PTPRS: variants seen among roughly 807,000 people sequenced by gnomAD.
PTPRS encodes protein tyrosine phosphatase receptor type S, also known as receptor-type tyrosine-protein phosphatase S.
A neutral mutation model predicts 215.3 loss-of-function variants in PTPRS; 63 were observed. The ratio of observed to expected loss-of-function variants is 0.29; its 90% CI spans 0.24 to 0.36. The LOEUF (loss-of-function observed/expected upper bound fraction) is 0.36, where lower values mean the gene tolerates loss of function less well. PTPRS is among the 10% of genes least tolerant of loss of function. PTPRS has a pLI of 1.00. For missense variants in PTPRS, 2,258 were observed against 2,825.8 expected (o/e 0.80, Z 4.56); for synonymous variants, 1,404 against 1,191.4 (o/e 1.18, Z -3.68).
At chr19:5,289,591 T>A (rs1252229625) in intron 1 of PTPRS, among the ~76,000 whole-genome samples, 4 of 151,592 alleles carry the variant, frequency 2.6e-5, no homozygotes, top group Admixed American at 2.6e-4. Flanking sequence ...CCTCCCTTTC[T>A]CCCCCTCCTC....
chr19:5,274,292 A>G lies in PTPRS; in HGVS notation c.144T>C (p.Gly48=), dbSNP rs759745052. 3.1e-6 allele frequency: 5 copies of G among 1,611,484 alleles called. No homozygotes were observed. Among genetic ancestry groups the G allele is most frequent in the South Asian group, 1.1e-5 (1 of 90,960 alleles). The change falls in exon 3 of 38, where the codon GGT becomes GGC. Residue 48 remains glycine (G), a synonymous_variant. Transcript: ENST00000262963. ...TGGCCTGACACACGAAAGAGGCCAC[A>G]CCCCCCGACACGCCGATCTGGTCCT... ...EPKDQIGVSG[G]VASFVCQATG...
At chr19:5,248,430 G>A (rs1312828882) in intron 9 of PTPRS, among the ~76,000 whole-genome samples, 2 of 151,654 alleles carry the variant, frequency 1.3e-5, no homozygotes, top group Non-Finnish European at 2.9e-5. Flanking sequence ...GCTGAAAATC[G>A]GGGTCTGAAA....
At chr19:5,229,784 G>A (rs1012369556) in intron 14 of PTPRS, 100 bp from the exon 15 acceptor site, 2 of 724,706 alleles carry the variant, frequency 2.8e-6, no homozygotes, top group African/African-American at 1.9e-5. Flanking sequence ...GATGCCGAGT[G>A]GCTGCCGGTG....
rs202163446 is a variant in PTPRS, at chr19:5,222,722, G to A, written c.3070C>T (p.Pro1024Ser). ...TRRGPGPFSPPVRYRTFLRDQ... is the reference protein window; with the variant it reads ...TRRGPGPFSPSVRYRTFLRDQ... Reference sequence around the variant, plus strand: ...CGCAGGAACGTCCGGTAGCGGACGGGGGGGCTGAAGGGGCCAGGGCCCCGG... The same window carrying A: ...CGCAGGAACGTCCGGTAGCGGACGGAGGGGCTGAAGGGGCCAGGGCCCCGG... The change falls in exon 18 of 38, where the codon CCC (proline) becomes TCC (serine). Residue 1024 changes from proline (P) to serine (S), a missense_variant. This residue lies in a region of PTPRS where 361 missense variants were observed against 332.6 expected (regional missense o/e 1.09). Coordinates refer to ENST00000262963, the MANE Select transcript of PTPRS (RefSeq NM_002850.4). 288 of 1,595,666 alleles carry A rather than the reference G, an allele frequency of 1.8e-4. 2 individuals carry two copies. Among genetic ancestry groups the A allele is most frequent in the Admixed American group, 5.5e-4 (33 of 59,488 alleles).
rs1191451746 is a variant in PTPRS at position 5,264,902 on chromosome 19, GTCTC to G, written c.568+102_568+105del. ...CCAACGCCTGCCACGGCCACACACT[GTCTC>G]TGTCTGTCCTCCAGTAGTCCCCAGA... is the stretch of plus-strand genomic sequence containing the variant. On this transcript the variant is annotated intron_variant, in intron 5 of 37. Coordinates refer to ENST00000262963, the MANE Select transcript of PTPRS (RefSeq NM_002850.4). 3.9e-5 allele frequency: 51 copies of G among 1,323,958 alleles called. No individual in the cohort carries two copies. In the East Asian group the frequency reaches 1.2e-3, roughly 32 times the overall value. 82.0% of individuals were successfully genotyped at this position (1,323,958 alleles called of 1,614,324 possible).
intron 1 of PTPRS, among the ~76,000 whole-genome samples, chr19:5,291,482 G>A (rs551637311): frequency 2.6e-5 from 4 of 152,158 alleles, no homozygotes; most frequent in African/African-American, 9.6e-5. Context: ...AACTTGAGAC[G>A]CCAAGATCTG....
rs2043595529 is a variant in PTPRS at position 5,237,735 on chromosome 19, G to A, written c.1849+1184C>T. Among the ~76,000 whole-genome samples the A allele has an allele frequency of 6.6e-6, 1 of 152,130 alleles. No individual in the cohort carries two copies. Among genetic ancestry groups the A allele is most frequent in the Admixed American group, 6.5e-5 (1 of 15,274 alleles). On this transcript the variant is annotated intron_variant, in intron 13 of 37. Transcript: ENST00000262963. This position sits in a 1 kb window ranked among gnomAD's most constrained non-coding sequence, Gnocchi z 4.2. ...GCCAGTCTCTCAGGTGGCTGCCCAA[G>A]CCACAGGCCACCCTCACTGACTCCA... is the stretch of plus-strand genomic sequence containing the variant.
intron 24 of PTPRS, 81 bp from the exon 25 acceptor site, chr19:5,218,613 A>G (rs2041698207): frequency 2.6e-6 from 4 of 1,538,182 alleles, no homozygotes; most frequent in Middle Eastern, 1.7e-4. Flanking sequence ...CCAGGAATGC[A>G]TGGTAAGAAA....
intron 9 of PTPRS, among the ~76,000 whole-genome samples, chr19:5,251,954 C>G (rs76877289): frequency 1.0e-3 from 155 of 152,216 alleles, no homozygotes; most frequent in African/African-American, 3.4e-3. Context: ...AGCCCACCAT[C>G]TATGTCTGTC....
rs199624288 is a variant in PTPRS, at chr19:5,231,279, G to A, written c.2155+31C>T. The A allele has an allele frequency of 4.1e-3, 6,437 of 1,566,832 alleles. 21 individuals are homozygous for A. Among genetic ancestry groups the A allele is most frequent in the Middle Eastern group, 0.013 (64 of 5,104 alleles). ...AGGCGGGGGCCGGGCTGGGGCCTGC[G>A]GGGGGTCCCGGGCCTGGGGCAGGTA... On this transcript the variant is annotated intron_variant, in intron 14 of 37. Transcript: ENST00000262963.
At chr19:5,233,975 A>AAAAAAAAC (rs2043223951) in intron 13 of PTPRS, among the ~76,000 whole-genome samples, 1 of 137,150 alleles carries the variant, frequency 7.3e-6, no homozygotes, top group Non-Finnish European at 1.6e-5. Context: ...AAAAAAAAAA[A>AAAAAAAAC]AATCTATATG....
At chr19:5,235,085 C>T (rs565243438) in intron 13 of PTPRS, among the ~76,000 whole-genome samples, 4 of 151,882 alleles carry the variant, frequency 2.6e-5, no homozygotes, top group African/African-American at 7.3e-5. Flanking sequence ...GGACTACAGG[C>T]GCCCGCCACC....
chr19:5,308,773 C>T (rs559085970), intron 1 of PTPRS, among the ~76,000 whole-genome samples: 2 of 152,348 alleles, frequency 1.3e-5, no homozygotes, highest in Admixed American at 6.5e-5. Flanking sequence ...CCCGCAGCCG[C>T]CTGTCAGCCA....
rs1003618156 is a variant in PTPRS at position 5,287,976 on chromosome 19, A to G, written c.-94-1742T>C. Among the ~76,000 whole-genome samples the G allele has an allele frequency of 6.9e-6, 1 of 145,574 alleles. No homozygotes were observed. Among genetic ancestry groups the G allele is most frequent in the Admixed American group, 6.8e-5 (1 of 14,704 alleles). Reference sequence around the variant, plus strand: ...GCAGCAGAGACGGGCACACACACACACACACACACACACACACACACACAC... The same window carrying G: ...GCAGCAGAGACGGGCACACACACACGCACACACACACACACACACACACAC... On this transcript the variant is annotated intron_variant, in intron 1 of 37. Transcript: ENST00000262963. This position sits in a 1 kb window ranked among gnomAD's most constrained non-coding sequence, Gnocchi z 4.8.
intron 1 of PTPRS, among the ~76,000 whole-genome samples, chr19:5,290,845 C>G (rs1162100899): frequency 2.0e-5 from 3 of 151,898 alleles, no homozygotes. Flanking sequence ...CCGCCTGGAA[C>G]GTCATTTCCA....
At chr19:5,272,013 T>C (rs959295187) in intron 4 of PTPRS, among the ~76,000 whole-genome samples, 1 of 151,952 alleles carries the variant, frequency 6.6e-6, no homozygotes, top group Non-Finnish European at 1.5e-5. Context: ...GATGTTTGAG[T>C]CCCTGTACTC....
chr19:5,224,475 C>T (rs2042298122), intron 17 of PTPRS, among the ~76,000 whole-genome samples: 1 of 152,198 alleles, frequency 6.6e-6, no homozygotes, highest in South Asian at 2.1e-4. Flanking sequence ...AATCCAAAAT[C>T]CGCCCCTGCT....
chr19:5,328,866 G>A (rs569996571), intron 1 of PTPRS, among the ~76,000 whole-genome samples: 34 of 152,290 alleles, frequency 2.2e-4, no homozygotes, highest in African/African-American at 7.0e-4. Context: ...CACCCACTCC[G>A]AGTACTCTCA....
intron 1 of PTPRS, among the ~76,000 whole-genome samples, chr19:5,321,878 C>A (rs1309915382): frequency 6.6e-6 from 1 of 152,076 alleles, no homozygotes; most frequent in Non-Finnish European, 1.5e-5. Context: ...TTTATCCAAG[C>A]CCCAAAACTG....
Sources: gnomAD v4.1 joint callset for allele counts (sites outside exome capture counted in the v4.1 genomes callset) on GRCh38, gnomAD v4.1.1 for gene constraint, gnomAD v4.1.1 regional missense constraint, Gnocchi (gnomAD v3.1) non-coding constraint, MANE v1.5 for transcripts, NCBI Gene and HGNC (gene_info 2026-07-23, HGNC 2026-07-21) for gene names.